ARHGEF15: variants seen among roughly 807,000 people sequenced by gnomAD.
ARHGEF15 encodes the protein Rho guanine nucleotide exchange factor 15, also known as Rho guanine nucleotide exchange factor (GEF) 15.
ARHGEF15 carries 58 observed loss-of-function variants against 79.7 expected under a neutral mutation model. The ratio of observed to expected loss-of-function variants is 0.73; its 90% confidence interval spans 0.59 to 0.91. The LOEUF (loss-of-function observed/expected upper bound fraction) is 0.91, where lower values mean the gene tolerates loss of function less well. Ranked by LOEUF, ARHGEF15 falls within the 40% of genes least tolerant of loss-of-function variation. The probability of loss-of-function intolerance (pLI) is 0.00; values close to 1 mark genes in which losing one functional copy is unlikely to be tolerated. For synonymous variants in ARHGEF15, 442 were observed against 456.0 expected (o/e 0.97, Z 0.39); for missense variants, 1,012 against 1,108.1 (o/e 0.91, Z 1.23).
At chr17:8,313,770 C>A in intron 4 of ARHGEF15, 1 of 453,838 alleles carries the variant, frequency 2.2e-6, no homozygotes, top group Non-Finnish European at 3.8e-6. Context: ...TGGCTTACAT[C>A]TGTAATCCCA....
Position 8,312,961 on chromosome 17 carries a change from G to T in ARHGEF15, c.641G>T (p.Cys214Phe). The change falls in exon 3 of 16, where the codon TGC becomes TTC. Residue 214 changes from cysteine (C) to phenylalanine (F), a missense_variant. Physicochemically the swap from Cys to Phe is radical, Grantham distance 205 (BLOSUM62 -2). Coordinates refer to ENST00000361926, the MANE Select transcript of ARHGEF15 (RefSeq NM_173728.4). ...TGCCCTCCCTGCTGCCCCTGTGTCT[G>T]CCACACCACCCGGCCTGGCCTGGAG... ...LACPPCCPCV[C>F]HTTRPGLELR... is the part of the protein sequence containing the mutation. 6.3e-7 allele frequency: 1 copy of T among 1,592,998 alleles called. No homozygotes were observed.
Position 8,322,004 on chromosome 17 carries a change from G to A in ARHGEF15, c.*1011G>A, listed in dbSNP as rs1280664236. On this transcript the variant is annotated 3_prime_UTR_variant, in exon 16 of 16. Coordinates refer to ENST00000361926, the MANE Select transcript of ARHGEF15 (RefSeq NM_173728.4). ...TTCCTGCCTGCAGATCTCCCAACTT[G>A]AACTATAATCCACCAGCCAGCCTCA... 1 of 152,982 alleles carries A rather than the reference G, an allele frequency of 6.5e-6. No individual in the cohort carries two copies. The highest frequency in any genetic ancestry group is 1.9e-4 in the East Asian group (1 of 5,206). 9.5% of individuals were successfully genotyped at this position (152,982 alleles called of 1,614,324 possible). A position where few individuals can be genotyped will look rare whatever the true frequency, so the allele number is the denominator to read the frequency against.
Position 8,318,163 on chromosome 17 carries a change from A to G in ARHGEF15, c.1705-224A>G. Reference sequence around the variant, plus strand: ...ATTGCCTTCTTGAATCCTCAAAACAATGCTATTGATATGCTAGGTGGGTAT... The same window carrying G: ...ATTGCCTTCTTGAATCCTCAAAACAGTGCTATTGATATGCTAGGTGGGTAT... On this transcript the variant is annotated intron_variant, in intron 9 of 15. Transcript: ENST00000361926. The surrounding 1 kb of genome is among the most constrained non-coding windows in gnomAD (Gnocchi z 5.0). The G allele has an allele frequency of 3.6e-6, 2 of 552,282 alleles. No homozygotes were observed. Among genetic ancestry groups the G allele is most frequent in the East Asian group, 2.9e-5 (1 of 34,722 alleles). The allele number at this position is 552,282 out of a possible 1,614,324, so 34.2% of individuals were successfully genotyped here.
rs1377895132 is a variant in ARHGEF15, at chr17:8,310,260, C to G, written c.-133C>G. 1 of 152,202 alleles carries G rather than the reference C, an allele frequency of 6.6e-6. No individual in the cohort carries two copies. Among genetic ancestry groups the G allele is most frequent in the African/African-American group, 2.4e-5 (1 of 41,414 alleles). The allele number at this position is 152,202 out of a possible 1,614,324, so 9.4% of individuals were successfully genotyped here. On this transcript the variant is annotated 5_prime_UTR_variant, in exon 1 of 16. Coordinates refer to ENST00000361926, the MANE Select transcript of ARHGEF15 (RefSeq NM_173728.4). ...CACCCCAGAATCACAGGAACACACA[C>G]TTGGAAACCTCAGCCCTGCATTCCT...
Position 8,318,320 on chromosome 17 carries a change from C to A in ARHGEF15, c.1705-67C>A. 1 of 1,481,802 alleles carries A rather than the reference C, an allele frequency of 6.7e-7. No homozygotes were observed. The highest frequency in any genetic ancestry group is 1.2e-5 in the South Asian group (1 of 83,630). The allele number at this position is 1,481,802 out of a possible 1,614,324, so 91.8% of individuals were successfully genotyped here. A position where few individuals can be genotyped will look rare whatever the true frequency, so the allele number is the denominator to read the frequency against. ...GCTGAAACAGACAGGGTCCTCTGAG[C>A]TGTGGCCCCTCTGAATCCCAGGGCC... is the stretch of plus-strand genomic sequence containing the variant. On this transcript the variant is annotated intron_variant, in intron 9 of 15. Coordinates refer to ENST00000361926, the MANE Select transcript of ARHGEF15 (RefSeq NM_173728.4). This position sits in a 1 kb window ranked among gnomAD's most constrained non-coding sequence, Gnocchi z 5.0.
rs748379547 is a variant in ARHGEF15 at position 8,315,557 on chromosome 17, C to T, written c.1404C>T (p.Val468=). 46 of 1,609,490 alleles carry T rather than the reference C, an allele frequency of 2.9e-5. No individual in the cohort carries two copies. The highest frequency in any genetic ancestry group is 3.8e-5 in the Non-Finnish European group (45 of 1,179,994). ...HHTLFSNVQR[V]QGVSERFLAT... is the part of the protein sequence containing the mutation. Reference sequence around the variant, plus strand: ...CACTCTTCTCCAATGTGCAGCGAGTCCAGGGAGTCAGCGAGCGGTCAGTGG... The same window carrying T: ...CACTCTTCTCCAATGTGCAGCGAGTTCAGGGAGTCAGCGAGCGGTCAGTGG... The change falls in exon 7 of 16, where the codon GTC becomes GTT. Residue 468 remains valine (V), a synonymous_variant. Coordinates refer to ENST00000361926, the MANE Select transcript of ARHGEF15 (RefSeq NM_173728.4). This position sits in a 1 kb window ranked among gnomAD's most constrained non-coding sequence, Gnocchi z 4.3.
In ARHGEF15 at chr17:8,315,743, C is replaced by G; in HGVS notation, c.1422-12C>G. 6.2e-7 allele frequency: 1 copy of G among 1,609,620 alleles called. No homozygotes were observed. Among genetic ancestry groups the G allele is most frequent in the South Asian group, 1.1e-5 (1 of 90,930 alleles). ...TGCCCCGCCCCATTGCTTGCTTCCC[C>G]AATTCCTTCAGGTTTCTAGCAACGC... On this transcript the variant is annotated splice_polypyrimidine_tract_variant and intron_variant, in intron 7 of 15. Coordinates refer to ENST00000361926, the MANE Select transcript of ARHGEF15 (RefSeq NM_173728.4). The surrounding 1 kb of genome is among the most constrained non-coding windows in gnomAD (Gnocchi z 4.3).
rs766492902 is a variant in ARHGEF15, at chr17:8,312,050, A to G, written c.11A>G (p.Gln4Arg). 4.4e-6 allele frequency: 7 copies of G among 1,591,898 alleles called. No individual in the cohort carries two copies. The Admixed American group carries it at 6.9e-5, about 16-fold the overall frequency. Residue 4 changes from glutamine (Q) to arginine (R), a missense_variant, in exon 2 of 16, where the codon CAG becomes CGG. This residue lies in a region of ARHGEF15 where 818 missense variants were observed against 882.5 expected (regional missense o/e 0.93). Transcript: ENST00000361926. MSA[Q>R]SLPAATPPTQ... is the part of the protein sequence containing the mutation. The stretch of plus-strand genomic sequence containing the variant: ...AGAGCACAGAGGAAGATGTCAGCCC[A>G]GTCCCTTCCTGCAGCAACACCCCCC...
Position 8,310,360 on chromosome 17 carries a change from C to T in ARHGEF15, c.-50+17C>T, listed in dbSNP as rs777290116. On this transcript the variant is annotated intron_variant, in intron 1 of 15. Transcript: ENST00000361926. Reference sequence around the variant, plus strand: ...AAGATAAAGGTAAATTCATGGGGACCTACTGCAGAGTTAGGGAGGGAAGCC... The same window carrying T: ...AAGATAAAGGTAAATTCATGGGGACTTACTGCAGAGTTAGGGAGGGAAGCC... 1 of 152,184 alleles carries T rather than the reference C, an allele frequency of 6.6e-6. No individual in the cohort carries two copies. Among genetic ancestry groups the T allele is most frequent in the Non-Finnish European group, 1.5e-5 (1 of 68,086 alleles). The allele number at this position is 152,184 out of a possible 1,614,324, so 9.4% of individuals were successfully genotyped here. A position where few individuals can be genotyped will look rare whatever the true frequency, so the allele number is the denominator to read the frequency against.
rs115597604 is a variant in ARHGEF15, at chr17:8,320,961, T to C, written c.2494T>C (p.Ser832Pro). The C allele has an allele frequency of 4.0e-4, 650 of 1,613,936 alleles. 5 individuals carry two copies. In the African/African-American group the frequency reaches 6.8e-3, roughly 17 times the overall value. The change falls in exon 16 of 16, where the codon TCT (serine) becomes CCT (proline). Residue 832 changes from serine to proline, a missense_variant. This residue lies in a region of ARHGEF15 where 132 missense variants were observed against 124.2 expected (regional missense o/e 1.06). Transcript: ENST00000361926. The stretch of plus-strand genomic sequence containing the variant: ...GAGGCTTCTCGAGGCTGTTGGATCT[T>C]CTTCAGGCACCCCCAATGCCCCCCC... ...NQRLLEAVGS[S>P]SGTPNAPPP
At chr17:8,311,340 C>T (rs1904595640) in intron 1 of ARHGEF15, among the ~76,000 whole-genome samples, 1 of 152,148 alleles carries the variant, frequency 6.6e-6, no homozygotes, top group African/African-American at 2.4e-5. Context: ...TGCTGGGCCT[C>T]TCTCTGTGAC....
At position 8,312,234 on chromosome 17, in the gene ARHGEF15, C is replaced by T; in HGVS notation, c.195C>T (p.Pro65=). 1 of 1,532,110 alleles carries T rather than the reference C, an allele frequency of 6.5e-7. No homozygotes were observed. Among genetic ancestry groups the T allele is most frequent in the Non-Finnish European group, 8.8e-7 (1 of 1,132,818 alleles). The allele number at this position is 1,532,110 out of a possible 1,614,324, so 94.9% of individuals were successfully genotyped here. ...TGTGCACCCCCATCTTCTGGGAGCC[C>T]CCAGCTGCATCCCTCAAGCCCCCTG... ...TPMCTPIFWE[P]PAASLKPPAL... is the part of the protein sequence containing the mutation. The change falls in exon 2 of 16, where the codon CCC becomes CCT. Residue 65 remains proline (P), a synonymous_variant. Transcript: ENST00000361926.
rs867531266 is a variant in ARHGEF15 at position 8,319,537 on chromosome 17, G to A, written c.2308G>A (p.Ala770Thr). ...QELCSESSAP[A>T]KTEGRSLESR... ...ACTGTGTTCAGAGTCGTCTGCACCT[G>A]CCAAGACTGAAGGACGGAGTCTGGA... The change falls in exon 15 of 16, where the codon GCC (alanine) becomes ACC (threonine). Residue 770 changes from alanine (A) to threonine (T), a missense_variant. Around this residue, in one of 3 missense-constraint regions of ARHGEF15, gnomAD observed 132 missense variants for 124.2 expected, o/e 1.06. Transcript: ENST00000361926. 6.2e-7 allele frequency: 1 copy of A among 1,611,346 alleles called. No individual in the cohort carries two copies. Among genetic ancestry groups the A allele is most frequent in the Admixed American group, 1.7e-5 (1 of 59,310 alleles).
rs756584034 is a variant in ARHGEF15 at position 8,314,942 on chromosome 17, T to C, written c.1026T>C (p.Asn342=). The change falls in exon 5 of 16, where the codon AAT becomes AAC. Residue 342 remains asparagine, a synonymous_variant. Coordinates refer to ENST00000361926, the MANE Select transcript of ARHGEF15 (RefSeq NM_173728.4). ...EEGLEVLKEQ[N]WELPLQDEPL... ...GGCTAGAGGTGCTGAAGGAGCAGAA[T>C]TGGGAGCTGCCCCTGCAGGATGGTG... 10 of 1,613,846 alleles carry C rather than the reference T, an allele frequency of 6.2e-6. No individual in the cohort carries two copies. Among genetic ancestry groups the C allele is most frequent in the Admixed American group, 1.7e-5 (1 of 59,984 alleles).
rs934650053 is a variant in ARHGEF15, at chr17:8,315,474, G to T, written c.1321G>T (p.Asp441Tyr). ...CCTGCGCTCCCTGCGGCTGCTGACC[G>T]ACACCTTCGTGCTGAGCCAGGCACT... is the stretch of plus-strand genomic sequence containing the variant. Reference protein sequence around the residue: ...SYLRSLRLLTDTFVLSQALRD... With the variant: ...SYLRSLRLLTYTFVLSQALRD... Residue 441 changes from aspartate to tyrosine, a missense_variant, in exon 7 of 16, where the codon GAC becomes TAC. Coordinates refer to ENST00000361926, the MANE Select transcript of ARHGEF15 (RefSeq NM_173728.4). This position sits in a 1 kb window ranked among gnomAD's most constrained non-coding sequence, Gnocchi z 4.3. 1 of 1,613,542 alleles carries T rather than the reference G, an allele frequency of 6.2e-7. No homozygotes were observed. The highest frequency in any genetic ancestry group is 1.3e-5 in the African/African-American group (1 of 74,880).
At chr17:8,316,708 T>C (rs1400289572) in intron 9 of ARHGEF15, among the ~76,000 whole-genome samples, 1 of 152,216 alleles carries the variant, frequency 6.6e-6, no homozygotes, top group East Asian at 1.9e-4. Flanking sequence ...GAAAATTATC[T>C]TAAAAAGGCA....
At position 8,313,073 on chromosome 17, in the gene ARHGEF15, C is replaced by A; in HGVS notation, c.753C>A (p.Pro251=). Residue 251 remains proline (P), a synonymous_variant, in exon 3 of 16, where the codon CCC becomes CCA. Coordinates refer to ENST00000361926, the MANE Select transcript of ARHGEF15 (RefSeq NM_173728.4). ...CGCTGCGGACCTCTCGCTCCCGCCC[C>A]CACCCTCCAAGCATCGGTCACCCTG... ...ASPLRTSRSR[P]HPPSIGHPAV... The A allele has an allele frequency of 6.2e-7, 1 of 1,613,570 alleles. No homozygotes were observed. Among genetic ancestry groups the A allele is most frequent in the Non-Finnish European group, 8.5e-7 (1 of 1,179,794 alleles).
intron 4 of ARHGEF15, chr17:8,314,069 T>C (rs1162118006): frequency 6.6e-6 from 1 of 151,564 alleles, no homozygotes; most frequent in South Asian, 2.1e-4. Flanking sequence ...TGGGTCTCAG[T>C]GTCCTCATCT....
At chr17:8,317,811 A>G (rs1905123747) in intron 9 of ARHGEF15, among the ~76,000 whole-genome samples, 1 of 152,200 alleles carries the variant, frequency 6.6e-6, no homozygotes, top group Non-Finnish European at 1.5e-5. Flanking sequence ...TCATGCCTGT[A>G]ATCCCAGCAC....
Sources: gnomAD v4.1 joint callset for allele counts (sites outside exome capture counted in the v4.1 genomes callset) on GRCh38, gnomAD v4.1.1 for gene constraint, gnomAD v4.1.1 regional missense constraint, Gnocchi (gnomAD v3.1) non-coding constraint, MANE v1.5 for transcripts, NCBI Gene and HGNC (gene_info 2026-07-23, HGNC 2026-07-21) for gene names.